The following PAX3 variants were observed in gnomAD, a reference collection of about 807,000 sequenced individuals.
PAX3 encodes paired box protein Pax-3.
A neutral mutation model predicts 51.6 loss-of-function variants in PAX3; 14 were observed. The observed-to-expected ratio is 0.27, with a 90% confidence interval of 0.18 to 0.42. The LOEUF is 0.42. PAX3 is among the 10% of genes least tolerant of loss of function. The pLI is 1.00. For missense variants in PAX3, 540 were observed against 642.8 expected, an observed-to-expected ratio of 0.84 and a Z score of 1.73; for synonymous variants, 280 against 253.4, an observed-to-expected ratio of 1.11 and a Z score of -1.00.
At chr2:222,275,010 T>C (rs1310809624) in intron 4 of PAX3, among the ~76,000 whole-genome samples, 12 of 152,222 alleles carry the variant, frequency 7.9e-5, no homozygotes, top group Non-Finnish European at 7.3e-5. Context: ...AAAATCCTAA[T>C]GTTAGCTAGA....
chr2:222,206,397 A>C (rs1025593551), intron 7 of PAX3, among the ~76,000 whole-genome samples: 1 of 152,128 alleles, frequency 6.6e-6, no homozygotes, highest in African/African-American at 2.4e-5. Flanking sequence ...CCATCTAAAA[A>C]AAAAAAATCT....
chr2:222,257,094 A>G (rs1693674501), intron 4 of PAX3, among the ~76,000 whole-genome samples: 1 of 152,210 alleles, frequency 6.6e-6, no homozygotes, highest in African/African-American at 2.4e-5. Context: ...GGGGACAAAG[A>G]TAATTTCAAC....
chr2:222,261,879 G>T (rs1246344247), intron 4 of PAX3, among the ~76,000 whole-genome samples: 2 of 152,164 alleles, frequency 1.3e-5, no homozygotes, highest in Non-Finnish European at 2.9e-5. Context: ...AAATAATTTT[G>T]AGTGTTGCTT....
At position 222,201,398 on chromosome 2, in the gene PAX3, G is replaced by A. The variant is rs1574618257; in HGVS notation, c.*10C>T. ...ACAGGGCCAGTTTTAGCTCCAAGTGGACAGTTCACTTACGCGATATCTGGC... is the reference window on the plus strand; with the variant it reads ...ACAGGGCCAGTTTTAGCTCCAAGTGAACAGTTCACTTACGCGATATCTGGC... On this transcript the variant is annotated 3_prime_UTR_variant, in exon 9 of 9. Coordinates refer to ENST00000392070, the MANE Select transcript of PAX3 (RefSeq NM_181458.4). 1 of 1,613,872 alleles carries A rather than the reference G, an allele frequency of 6.2e-7. No individual in the cohort carries two copies.
chr2:222,202,257 A>G, intron 7 of PAX3, 67 bp from the exon 8 acceptor site: 1 of 1,193,976 alleles, frequency 8.4e-7, no homozygotes, highest in African/African-American at 1.5e-5. Flanking sequence ...CCTACAGCTG[A>G]AAGAATAACT....
intron 4 of PAX3, among the ~76,000 whole-genome samples, chr2:222,274,401 T>G (rs1382466710): frequency 6.6e-6 from 1 of 152,004 alleles, no homozygotes; most frequent in Non-Finnish European, 1.5e-5. Flanking sequence ...GTACTTTAAA[T>G]TTTTTAAAAT....
chr2:222,296,946 G>A, intron 2 of PAX3, 32 bp downstream of exon 2: 1 of 1,562,238 alleles, frequency 6.4e-7, no homozygotes, highest in Non-Finnish European at 8.8e-7. Flanking sequence ...ACCACAGTCT[G>A]GGAGCCAGGA....
Position 222,298,573 on chromosome 2 carries a change from C to T in PAX3, c.43G>A (p.Gly15Ser), listed in dbSNP as rs755894806. Residue 15 changes from glycine (G) to serine (S), a missense_variant, in exon 1 of 9, where the codon GGC (glycine) becomes AGC (serine). Gly to Ser is a moderately conservative substitution (Grantham distance 56). This residue lies in a region of PAX3 where 63 missense variants were observed against 49.9 expected (regional missense o/e 1.26). Coordinates refer to ENST00000392070, the MANE Select transcript of PAX3 (RefSeq NM_181458.4). ...CTACGCGGGTAGTTCTGCCCCGGGC[C>T]CGGCCGCATCATCCTGGGCACAGCG... ...AGAVPRMMRP[G>S]PGQNYPRSGF... 4 of 1,608,540 alleles carry T rather than the reference C, an allele frequency of 2.5e-6. No homozygotes were observed. The highest frequency in any genetic ancestry group is 1.3e-5 in the African/African-American group (1 of 74,974).
At chr2:222,242,514 G>C (rs1284457214) in intron 4 of PAX3, 1 of 152,118 alleles carries the variant, frequency 6.6e-6, no homozygotes. Context: ...GAGGTCTAGA[G>C]TGATGTTACC....
At chr2:222,207,643 T>C (rs1046305043) in intron 7 of PAX3, among the ~76,000 whole-genome samples, 7 of 152,176 alleles carry the variant, frequency 4.6e-5, no homozygotes, top group African/African-American at 1.7e-4. Flanking sequence ...GGATTATGTA[T>C]GTTTCATCTC....
At chr2:222,296,508 T>A (rs1173820019) in intron 2 of PAX3, among the ~76,000 whole-genome samples, 1 of 152,190 alleles carries the variant, frequency 6.6e-6, no homozygotes, top group African/African-American at 2.4e-5. Flanking sequence ...AGTATTTGAC[T>A]CATTGAAAAC....
intron 4 of PAX3, among the ~76,000 whole-genome samples, chr2:222,256,381 A>AT (rs1693646577): frequency 1.3e-5 from 2 of 151,830 alleles, no homozygotes. Flanking sequence ...TCTCATCCCA[A>AT]TAATGCCATC....
chr2:222,208,805 T>C (rs1691610121), intron 7 of PAX3, among the ~76,000 whole-genome samples: 1 of 152,182 alleles, frequency 6.6e-6, no homozygotes, highest in African/African-American at 2.4e-5. Flanking sequence ...AGACTTGGGA[T>C]TCTAAATATA....
intron 4 of PAX3, among the ~76,000 whole-genome samples, chr2:222,249,122 C>G (rs895674952): frequency 6.6e-6 from 1 of 152,108 alleles, no homozygotes; most frequent in African/African-American, 2.4e-5. Context: ...AGCAGCAGCA[C>G]CCCCACCAGA....
intron 5 of PAX3, among the ~76,000 whole-genome samples, chr2:222,227,747 T>C (rs968760161): frequency 6.6e-6 from 1 of 151,768 alleles, no homozygotes; most frequent in Non-Finnish European, 1.5e-5. Flanking sequence ...AAAAAAACCT[T>C]GTAGTGTTAT....
At chr2:222,221,534 G>A (rs1421597009) in intron 5 of PAX3, 147 bp from the exon 6 acceptor site, 17 of 751,360 alleles carry the variant, frequency 2.3e-5, no homozygotes, top group South Asian at 2.0e-4. Context: ...TTGTTTGGGC[G>A]AATTGTCAGG....
intron 2 of PAX3, among the ~76,000 whole-genome samples, chr2:222,295,868 C>T (rs1026310602): frequency 6.6e-6 from 1 of 152,210 alleles, no homozygotes; most frequent in African/African-American, 2.4e-5. Flanking sequence ...CCTGGGAAGC[C>T]TCTAACTTCC....
chr2:222,278,821 A>G (rs762662620), intron 4 of PAX3, among the ~76,000 whole-genome samples: 1 of 152,202 alleles, frequency 6.6e-6, no homozygotes, highest in African/African-American at 2.4e-5. Context: ...CTGAAATTCT[A>G]CCTTTAGGGA....
In PAX3 at chr2:222,298,854, C is replaced by A; in HGVS notation, c.-239G>T. The A allele has an allele frequency of 3.4e-6, 2 of 587,830 alleles. No individual in the cohort carries two copies. 36.4% of individuals were successfully genotyped at this position (587,830 alleles called of 1,614,324 possible). Reference sequence around the variant, plus strand: ...GGAGTCCAGGATCCCGAGCCCAGGGCGGAAAAGTTTGGTACGAGTCTGGGC... The same window carrying A: ...GGAGTCCAGGATCCCGAGCCCAGGGAGGAAAAGTTTGGTACGAGTCTGGGC... On this transcript the variant is annotated 5_prime_UTR_variant, in exon 1 of 9. Transcript: ENST00000392070.
Sources: gnomAD v4.1 joint callset for allele counts (sites outside exome capture counted in the v4.1 genomes callset) on GRCh38, gnomAD v4.1.1 for gene constraint, gnomAD v4.1.1 regional missense constraint, MANE v1.5 for transcripts, NCBI Gene and HGNC (gene_info 2026-07-23, HGNC 2026-07-21) for gene names.